The following RPH3AL variants were observed in gnomAD, a reference collection of about 807,000 sequenced individuals.
RPH3AL encodes the protein rabphilin 3A like (without C2 domains).
In RPH3AL, 38 loss-of-function variants were observed where a neutral mutation model predicts 43.1. The ratio of observed to expected loss-of-function variants is 0.88; its 90% CI spans 0.68 to 1.15. The LOEUF (loss-of-function observed/expected upper bound fraction) is 1.15. Ranked by LOEUF, RPH3AL falls within the 50% of genes most tolerant of loss-of-function variation. The pLI is 0.00. For missense variants in RPH3AL, 462 were observed against 423.2 expected, an observed-to-expected ratio of 1.09 and a Z score of -0.81; for synonymous variants, 189 against 176.3, an observed-to-expected ratio of 1.07 and a Z score of -0.57.
intron 2 of RPH3AL, among the ~76,000 whole-genome samples, chr17:327,820 T>C (rs748743600): frequency 3.3e-5 from 5 of 151,708 alleles, no homozygotes; most frequent in Non-Finnish European, 5.9e-5. Context: ...GTGACAAGAG[T>C]GAACATGACT....
rs1016455004 is a variant in RPH3AL, at chr17:236,481, G to A, written c.613+10630C>T. 3.0e-4 allele frequency among the ~76,000 whole-genome samples: 45 copies of A among 152,096 alleles called. 1 individual carries two copies. The highest frequency in any genetic ancestry group is 8.4e-4 in the African/African-American group (35 of 41,480). ...ACGCCATCCGTTATGTTTGACTATC[G>A]GACACAGAACAGAAATAATTGGGCC... On this transcript the variant is annotated intron_variant, in intron 7 of 9. Transcript: ENST00000331302.
Position 333,848 on chromosome 17 carries a change from T to C in RPH3AL, c.-126A>G, listed in dbSNP as rs1209550616. 6.5e-6 allele frequency: 1 copy of C among 154,776 alleles called. No individual in the cohort carries two copies. Among genetic ancestry groups the C allele is most frequent in the African/African-American group, 2.4e-5 (1 of 41,464 alleles). 9.6% of individuals were successfully genotyped at this position (154,776 alleles called of 1,614,324 possible). A position where few individuals can be genotyped will look rare whatever the true frequency, so the allele number is the denominator to read the frequency against. On this transcript the variant is annotated 5_prime_UTR_variant, in exon 2 of 10. Transcript: ENST00000331302. This position sits in a 1 kb window ranked among gnomAD's most constrained non-coding sequence, Gnocchi z 4.5. ...CCAAAGTGCACGTACAAGTGTCCAC[T>C]ACACAAATTCTGCTGGAGGCAGCTG... is the stretch of plus-strand genomic sequence containing the variant.
chr17:344,886 A>G (rs1181038253), intron 1 of RPH3AL, among the ~76,000 whole-genome samples: 1 of 135,996 alleles, frequency 7.4e-6, no homozygotes, highest in Non-Finnish European at 1.7e-5. Context: ...TCTGGGCAGG[A>G]GACCTGATGA....
At chr17:217,313 C>T (rs1233575615) in intron 8 of RPH3AL, among the ~76,000 whole-genome samples, 1 of 118,556 alleles carries the variant, frequency 8.4e-6, no homozygotes, top group Non-Finnish European at 2.1e-5. Flanking sequence ...CATTTCATTC[C>T]CATCTGGGGC....
chr17:325,673 T>C (rs1293488407), intron 3 of RPH3AL, among the ~76,000 whole-genome samples: 1 of 152,190 alleles, frequency 6.6e-6, no homozygotes, highest in Non-Finnish European at 1.5e-5. Context: ...TGGGTAACTA[T>C]TCAAATAATG....
chr17:320,273 G>C (rs139388432), intron 4 of RPH3AL, among the ~76,000 whole-genome samples: 1 of 151,020 alleles, frequency 6.6e-6, no homozygotes, highest in East Asian at 1.9e-4. Flanking sequence ...TGGGACCAGC[G>C]AAGGCTCTCG....
chr17:343,445 A>C (rs2045169151), intron 1 of RPH3AL, among the ~76,000 whole-genome samples: 1 of 152,230 alleles, frequency 6.6e-6, no homozygotes, highest in African/African-American at 2.4e-5. Flanking sequence ...AGGCTGATGA[A>C]TTCTCTTCTT....
At chr17:275,769 G>A (rs1446240679) in intron 6 of RPH3AL, among the ~76,000 whole-genome samples, 1 of 152,180 alleles carries the variant, frequency 6.6e-6, no homozygotes, top group African/African-American at 2.4e-5. Context: ...CTGGTCTCAA[G>A]CTCCTGGGCT....
intron 6 of RPH3AL, among the ~76,000 whole-genome samples, chr17:260,237 G>A (rs2042167060): frequency 6.6e-6 from 1 of 152,218 alleles, no homozygotes; most frequent in African/African-American, 2.4e-5. Context: ...CTTCCCCGGA[G>A]GGCTTCAGTG....
chr17:304,531 C>A lies in RPH3AL; in HGVS notation c.351+14889G>T, dbSNP rs373584598. On this transcript the variant is annotated intron_variant, in intron 5 of 9. Coordinates refer to ENST00000331302, the MANE Select transcript of RPH3AL (RefSeq NM_006987.4). Reference sequence around the variant, plus strand: ...GCACTGAGGCTGGTACCCCAGGCCACCCCCACCAACAACATAACCAGAGGG... The same window carrying A: ...GCACTGAGGCTGGTACCCCAGGCCAACCCCACCAACAACATAACCAGAGGG... Among the ~76,000 whole-genome samples the A allele has an allele frequency of 8.5e-5, 13 of 152,290 alleles. 2 individuals are homozygous for A. The highest frequency in any genetic ancestry group is 3.1e-4 in the African/African-American group (13 of 41,572).
intron 6 of RPH3AL, among the ~76,000 whole-genome samples, chr17:270,639 C>A (rs2042439884): frequency 6.6e-6 from 1 of 151,722 alleles, no homozygotes; most frequent in South Asian, 2.1e-4. Flanking sequence ...TGGTTGAGCT[C>A]AGGAGTTTGA....
At position 344,270 on chromosome 17, in the gene RPH3AL, TCACCACCATCACTGTCATCTCGGTTAC is replaced by T. The variant is rs534814120; in HGVS notation, c.-213+8415_-213+8441del. ...TCATATTCACCTCCATCAGTCACCA[TCACCACCATCACTGTCATCTCGGTTAC>T]CACCACCATCACTATAATCATCACC... On this transcript the variant is annotated intron_variant, in intron 1 of 9. Transcript: ENST00000331302. 2.8e-4 allele frequency among the ~76,000 whole-genome samples: 37 copies of T among 130,042 alleles called. 7 individuals carry two copies. The East Asian group carries it at 7.8e-3, about 27-fold the overall frequency. The allele number at this position is 130,042 out of a possible 152,430, so 85.3% of individuals were successfully genotyped here. A position where few individuals can be genotyped will look rare whatever the true frequency, so the allele number is the denominator to read the frequency against.
At chr17:286,270 C>A (rs1297570307) in intron 5 of RPH3AL, among the ~76,000 whole-genome samples, 2 of 152,186 alleles carry the variant, frequency 1.3e-5, no homozygotes, top group African/African-American at 4.8e-5. Context: ...GAAGGGCTGT[C>A]CCTGCTGGGC....
intron 5 of RPH3AL, among the ~76,000 whole-genome samples, chr17:319,033 A>G (rs1047742380): frequency 6.6e-6 from 1 of 152,248 alleles, no homozygotes; most frequent in Non-Finnish European, 1.5e-5. Flanking sequence ...AAGAATATTT[A>G]ATCCTCATAG....
At chr17:301,771 C>T (rs1019465431) in intron 5 of RPH3AL, among the ~76,000 whole-genome samples, 41 of 152,252 alleles carry the variant, frequency 2.7e-4, no homozygotes, top group African/African-American at 7.5e-4. Flanking sequence ...GCTGTGACCA[C>T]GCCTGGCCTG....
chr17:320,643 A>C (rs8064855), intron 4 of RPH3AL, among the ~76,000 whole-genome samples: 43,640 of 149,504 alleles, frequency 0.29, 7,966 homozygotes, highest in East Asian at 0.62. Flanking sequence ...TGTCCCCCCC[A>C]AAAAAAAAAG....
At chr17:319,375 T>C (rs777827218) in intron 5 of RPH3AL, 45 bp downstream of exon 5, 10 of 1,599,508 alleles carry the variant, frequency 6.3e-6, no homozygotes, top group South Asian at 1.1e-5. Context: ...GCGGGGCTGG[T>C]CCAGGCTGGG....
chr17:280,287 G>A (rs1407574998), intron 6 of RPH3AL, among the ~76,000 whole-genome samples: 1 of 152,124 alleles, frequency 6.6e-6, no homozygotes, highest in Non-Finnish European at 1.5e-5. Context: ...AAATCAGGCT[G>A]TTGAGGGGAT....
At chr17:223,611 G>A (rs2041041099) in intron 7 of RPH3AL, among the ~76,000 whole-genome samples, 1 of 152,198 alleles carries the variant, frequency 6.6e-6, no homozygotes, top group Non-Finnish European at 1.5e-5. Context: ...CCTTTCTGGA[G>A]CAGTGTGTAG....
Sources: allele counts gnomAD v4.1 joint callset (sites outside exome capture counted in the v4.1 genomes callset), GRCh38; gene constraint gnomAD v4.1.1; non-coding constraint Gnocchi (gnomAD v3.1); transcripts MANE v1.5; gene names NCBI Gene and HGNC (gene_info 2026-07-23, HGNC 2026-07-21).